Variants in PHF8 observed in about 807,000 individuals in gnomAD.
The protein encoded by PHF8 is PHD finger protein 8, also known as histone lysine demethylase PHF8.
PHF8 carries 9 observed loss-of-function variants against 74.4 expected under a neutral mutation model. That is an observed-to-expected ratio of 0.12 (90% CI 0.07 to 0.21). The LOEUF is 0.21. PHF8 is among the 10% of genes least tolerant of loss of function. The pLI is 1.00. For synonymous variants in PHF8, 311 were observed against 316.6 expected (o/e 0.98, Z 0.19); for missense variants, 478 against 816.6 (o/e 0.59, Z 5.05).
intron 18 of PHF8, among the ~76,000 whole-genome samples, chrX:53,979,002 G>A (rs1476913983): frequency 1.8e-5 from 2 of 110,769 alleles, no homozygotes; most frequent in African/African-American, 6.6e-5. Context: ...GTGATCAAAG[G>A]GCTCTGTATC....
At chrX:54,005,220 C>A (rs782540911) in intron 8 of PHF8, among the ~76,000 whole-genome samples, 209 of 110,658 alleles carry the variant, frequency 1.9e-3, no homozygotes, top group African/African-American at 6.4e-3. Context: ...GTAATCCCAG[C>A]ACTTTGGGAG....
Position 53,993,838 on chromosome X carries a change from G to A in PHF8, c.1389C>T (p.Ala463=), listed in dbSNP as rs374586083. 28 of 1,206,282 alleles carry A rather than the reference G, an allele frequency of 2.3e-5. No homozygotes were observed. Among genetic ancestry groups the A allele is most frequent in the Admixed American group, 2.0e-4 (9 of 45,789 alleles). ...CTGGCCTGGTTAGGGGAATGGAGCC[G>A]GCTGGGAAGATCCTCTGCAGCCCAA... ...NIFGLQRIFP[A]GSIPLTRPAH... The change falls in exon 13 of 22, where the codon GCC becomes GCT. Residue 463 remains alanine (A), a synonymous_variant. Coordinates refer to ENST00000338154, the MANE Select transcript of PHF8 (RefSeq NM_015107.3).
chrX:54,021,268 T>C (rs2066164818), intron 4 of PHF8, among the ~76,000 whole-genome samples: 6 of 109,719 alleles, frequency 5.5e-5, no homozygotes, highest in Admixed American at 4.0e-4. Flanking sequence ...ATGGGAACAA[T>C]AGATACTGGG....
chrX:53,993,934 G>C (rs781951281), intron 12 of PHF8, 31 bp from the exon 13 acceptor site: 18 of 1,078,497 alleles, frequency 1.7e-5, no homozygotes, highest in African/African-American at 3.7e-5. Context: ...GAGGGGGTTA[G>C]AGCTTACTCA....
intron 19 of PHF8, among the ~76,000 whole-genome samples, chrX:53,957,075 G>A (rs1175681362): frequency 1.8e-5 from 2 of 109,300 alleles, no homozygotes; most frequent in Non-Finnish European, 3.8e-5. Flanking sequence ...GGCCAGGCGC[G>A]GTGGCTCATG....
At chrX:54,009,883 T>G (rs367570316) in intron 8 of PHF8, among the ~76,000 whole-genome samples, 16 of 45,212 alleles carry the variant, frequency 3.5e-4, no homozygotes, top group African/African-American at 1.2e-3. Flanking sequence ...AAAAAAAAAG[T>G]GGCTCTTTGG....
At chrX:53,998,230 G>C (rs1355221584) in intron 11 of PHF8, among the ~76,000 whole-genome samples, 1 of 110,930 alleles carries the variant, frequency 9.0e-6, no homozygotes, top group East Asian at 2.8e-4. Context: ...GAGGTGGATG[G>C]ATCACTTGAG....
chrX:53,956,675 CGTGTGTGTGTGT>C (rs376217153), intron 19 of PHF8, among the ~76,000 whole-genome samples: 48 of 97,559 alleles, frequency 4.9e-4, no homozygotes, highest in South Asian at 2.9e-3. Context: ...AAAATATGTG[CGTGTGTGTGTGT>C]GTGTGTGTGT....
chrX:54,009,844 GAAAAAA>G lies in PHF8; in HGVS notation c.946+1272_946+1277del, dbSNP rs782363250. On this transcript the variant is annotated intron_variant, in intron 8 of 21. Transcript: ENST00000338154. ...GGTGACAGAGTGAGACTCTGTCTCAGAAAAAAAAAAAAAAAAAAAAAAAAAAAAAAA... is the reference window on the plus strand; with the variant it reads ...GGTGACAGAGTGAGACTCTGTCTCAGAAAAAAAAAAAAAAAAAAAAAAAAA... Among the ~76,000 whole-genome samples the G allele has an allele frequency of 3.3e-3, 31 of 9,385 alleles. 1 individual carries two copies. Among genetic ancestry groups the G allele is most frequent in the Middle Eastern group, 0.15 (2 of 13 alleles). 8.1% of individuals were successfully genotyped at this position (9,385 alleles called of 115,157 possible). A position where few individuals can be genotyped will look rare whatever the true frequency, so the allele number is the denominator to read the frequency against.
intron 2 of PHF8, among the ~76,000 whole-genome samples, chrX:54,025,175 C>T (rs2066248360): frequency 9.0e-6 from 1 of 111,716 alleles, no homozygotes; most frequent in African/African-American, 3.2e-5. Context: ...TGCGCCCGGC[C>T]GGTTCATACC....
In PHF8 at chrX:53,938,755, T is replaced by C; in HGVS notation, c.*403A>G. The C allele has an allele frequency of 1.3e-6, 1 of 770,557 alleles. No homozygotes were observed. Among genetic ancestry groups the C allele is most frequent in the South Asian group, 6.6e-5 (1 of 15,267 alleles). 63.5% of individuals were successfully genotyped at this position (770,557 alleles called of 1,213,427 possible). On this transcript the variant is annotated 3_prime_UTR_variant, in exon 22 of 22. Coordinates refer to ENST00000338154, the MANE Select transcript of PHF8 (RefSeq NM_015107.3). ...AGGCTTCTGGATATAGGGCTAGAGTTGCAGAAAGTGTCAAGCACTGGGCTT... is the reference window on the plus strand; with the variant it reads ...AGGCTTCTGGATATAGGGCTAGAGTCGCAGAAAGTGTCAAGCACTGGGCTT...
At chrX:54,048,703 G>C (rs1360237910), upstream of PHF8, among the ~76,000 whole-genome samples, 4 of 112,561 alleles carry the variant, frequency 3.6e-5, no homozygotes, top group Non-Finnish European at 7.5e-5. Flanking sequence ...TGCAGCCCAT[G>C]ATGGGACCTG....
rs2064706184 is a variant in PHF8 at position 53,938,857 on chromosome X, A to G, written c.*301T>C. 1.1e-6 allele frequency: 1 copy of G among 872,202 alleles called. No homozygotes were observed. Among genetic ancestry groups the G allele is most frequent in the African/African-American group, 2.1e-5 (1 of 47,716 alleles). 71.9% of individuals were successfully genotyped at this position (872,202 alleles called of 1,213,427 possible). On this transcript the variant is annotated 3_prime_UTR_variant, in exon 22 of 22. Coordinates refer to ENST00000338154, the MANE Select transcript of PHF8 (RefSeq NM_015107.3). ...CTCTAGCGGGGGATGAAGAATAAAG[A>G]ACAGACAAGGCAGGTGACGGGAGTG...
intron 2 of PHF8, among the ~76,000 whole-genome samples, chrX:54,041,629 G>A (rs1366503313): frequency 1.8e-5 from 2 of 111,651 alleles, no homozygotes; most frequent in East Asian, 2.8e-4. Context: ...CTGGGTGACA[G>A]GTGCTTATGT....
rs190205045 is a variant in PHF8, at chrX:54,010,075, A to G, written c.946+1047T>C. ...ACGCCTATAATCCCAGCGCTTTGGG[A>G]GACTGAGGCGGGTGGATCACCTGAG... On this transcript the variant is annotated intron_variant, in intron 8 of 21. Transcript: ENST00000338154. 2.8e-3 allele frequency among the ~76,000 whole-genome samples: 307 copies of G among 109,774 alleles called. 3 individuals are homozygous for G. The highest frequency in any genetic ancestry group is 9.6e-3 in the African/African-American group (291 of 30,166).
intron 12 of PHF8, 100 bp from the exon 13 acceptor site, chrX:53,994,003 G>T: frequency 1.6e-6 from 1 of 614,926 alleles, no homozygotes; most frequent in Non-Finnish European, 2.7e-6. Flanking sequence ...TACTGCCATG[G>T]AAGTGGCTTA....
intron 12 of PHF8, among the ~76,000 whole-genome samples, chrX:53,994,952 A>T (rs1011795551): frequency 3.6e-5 from 4 of 112,431 alleles, no homozygotes; most frequent in Non-Finnish European, 1.9e-5. Flanking sequence ...GCTCACATTT[A>T]TTGAGTACTT....
intron 8 of PHF8, among the ~76,000 whole-genome samples, chrX:54,003,615 C>T (rs980169569): frequency 8.9e-6 from 1 of 112,094 alleles, no homozygotes; most frequent in African/African-American, 3.2e-5. Flanking sequence ...CGAGATCGCA[C>T]CATTGCACTC....
rs200603025 is a variant in PHF8 at position 53,966,960 on chromosome X, C to T, written c.2444-4021G>A. 8.8e-3 allele frequency among the ~76,000 whole-genome samples: 965 copies of T among 109,556 alleles called. 11 individuals are homozygous for T. Among genetic ancestry groups the T allele is most frequent in the African/African-American group, 0.03 (903 of 30,065 alleles). The stretch of plus-strand genomic sequence containing the variant: ...GAGGTGAGGAGCGTCTCTGCCCAGC[C>T]GCCCCATCTGGGAAGGGAGGAGACC... On this transcript the variant is annotated intron_variant, in intron 18 of 21. Transcript: ENST00000338154.
Sources: allele counts gnomAD v4.1 joint callset (sites outside exome capture counted in the v4.1 genomes callset), GRCh38; gene constraint gnomAD v4.1.1; transcripts MANE v1.5; gene names NCBI Gene and HGNC (gene_info 2026-07-23, HGNC 2026-07-21).